The following ATP13A5 variants were observed in gnomAD, a reference collection of about 807,000 sequenced individuals.
ATP13A5 encodes ATPase 13A5.
In ATP13A5, 149 loss-of-function variants were observed where a neutral mutation model predicts 150.2. The observed-to-expected ratio is 0.99, with a 90% CI of 0.87 to 1.14. The LOEUF is 1.14. Ranked by LOEUF, ATP13A5 falls within the 50% of genes most tolerant of loss-of-function variation. The pLI is 0.00. For missense variants in ATP13A5, 1,383 were observed against 1,449.3 expected (o/e 0.95, Z 0.74); for synonymous variants, 497 against 522.2 (o/e 0.95, Z 0.66).
chr3:193,336,756 AT>A (rs1460610905), intron 9 of ATP13A5, among the ~76,000 whole-genome samples: 1 of 152,220 alleles, frequency 6.6e-6, no homozygotes, highest in Non-Finnish European at 1.5e-5. Context: ...ATACCCAGTA[AT>A]GGGATGGCTG....
chr3:193,353,702 C>T (rs1474860541), intron 6 of ATP13A5, among the ~76,000 whole-genome samples: 3 of 152,184 alleles, frequency 2.0e-5, no homozygotes. Context: ...ATAAAGAACA[C>T]AGTAGTCTGC....
chr3:193,374,556 GA>G (rs1343653799), intron 1 of ATP13A5, among the ~76,000 whole-genome samples: 1 of 151,008 alleles, frequency 6.6e-6, no homozygotes, highest in African/African-American at 2.4e-5. Context: ...GAGGCAGGAG[GA>G]TTGCTTGTGC....
At position 193,362,534 on chromosome 3, in the gene ATP13A5, C is replaced by T. The variant is rs761558311; in HGVS notation, c.455+33G>A. 1.9e-5 allele frequency: 30 copies of T among 1,613,614 alleles called. No individual in the cohort carries two copies. The East Asian group carries it at 6.7e-4, about 36-fold the overall frequency. On this transcript the variant is annotated intron_variant, in intron 4 of 29. Coordinates refer to ENST00000342358, the MANE Select transcript of ATP13A5 (RefSeq NM_198505.4). ...ACAAATCAGTGTTTTTCCCCTATAT[C>T]CTGACCAAGGGGTGACAAAACATTG...
chr3:193,321,157 G>A (rs1719260207), intron 16 of ATP13A5, among the ~76,000 whole-genome samples: 1 of 152,100 alleles, frequency 6.6e-6, no homozygotes, highest in South Asian at 2.1e-4. Flanking sequence ...CTTCCCAGAT[G>A]CCTCACTGTG....
chr3:193,276,620 C>A, intron 29 of ATP13A5, 130 bp downstream of exon 29: 2 of 648,024 alleles, frequency 3.1e-6, no homozygotes, highest in Non-Finnish European at 5.3e-6. Flanking sequence ...AGAATATGTA[C>A]CATTTTAATA....
chr3:193,321,981 G>T, intron 15 of ATP13A5, 144 bp from the exon 16 acceptor site: 1 of 970,878 alleles, frequency 1.0e-6, no homozygotes, highest in Non-Finnish European at 1.5e-6. Context: ...TTGTGTGTGT[G>T]TGTGTGGCTG....
intron 6 of ATP13A5, 150 bp from the exon 7 acceptor site, chr3:193,351,351 G>T: frequency 2.0e-6 from 2 of 1,012,140 alleles, no homozygotes; most frequent in Admixed American, 2.4e-5. Flanking sequence ...CTATTGATTT[G>T]GGTTGAGAAA....
intron 1 of ATP13A5, among the ~76,000 whole-genome samples, chr3:193,369,069 C>T (rs112217621): frequency 0.019 from 2,932 of 151,852 alleles, 105 homozygotes; most frequent in African/African-American, 0.066. Flanking sequence ...CATAGAAATA[C>T]GCTGTCTCTA....
At chr3:193,373,286 T>C (rs9838487) in intron 1 of ATP13A5, among the ~76,000 whole-genome samples, 105,017 of 151,916 alleles carry the variant, frequency 0.69, 36,689 homozygotes, top group Non-Finnish European at 0.73. Flanking sequence ...TACAGGCAGC[T>C]GCCACCATGC....
In ATP13A5 at chr3:193,326,996, C is replaced by A. The variant is rs1452668079; in HGVS notation, c.1523G>T (p.Cys508Phe). The A allele has an allele frequency of 6.2e-7, 1 of 1,613,626 alleles. No individual in the cohort carries two copies. Among genetic ancestry groups the A allele is most frequent in the South Asian group, 1.1e-5 (1 of 91,048 alleles). The change falls in exon 13 of 30, where the codon TGC becomes TTC. Residue 508 changes from cysteine (C) to phenylalanine (F), a missense_variant and splice_region_variant. Cys to Phe is a radical substitution (Grantham distance 205). Around this residue, in one of 3 missense-constraint regions of ATP13A5, gnomAD observed 787 missense variants for 771.9 expected, o/e 1.02. Coordinates refer to ENST00000342358, the MANE Select transcript of ATP13A5 (RefSeq NM_198505.4). The part of the protein sequence containing the change: ...LWGTVPTADN[C>F]FQEAHSFASG... ...TTCCATTTTCACATAAGAGGCCTAC[C>A]AGTTGTCAGCAGTAGGGACAGTCCC...
At chr3:193,354,087 A>G in intron 6 of ATP13A5, 40 bp downstream of exon 6, 1 of 1,524,394 alleles carries the variant, frequency 6.6e-7, no homozygotes, top group African/African-American at 1.6e-5. Context: ...AAGGGGCAGA[A>G]ATCTATTTTT....
chr3:193,357,944 A>G (rs191591220), intron 5 of ATP13A5, among the ~76,000 whole-genome samples: 2 of 148,922 alleles, frequency 1.3e-5, no homozygotes, highest in Admixed American at 1.3e-4. Context: ...GAGGAGGTCC[A>G]TGTCCCTTTT....
intron 25 of ATP13A5, among the ~76,000 whole-genome samples, chr3:193,297,237 C>A (rs1468107090): frequency 6.6e-6 from 1 of 151,942 alleles, no homozygotes; most frequent in Non-Finnish European, 1.5e-5. Context: ...AAGAAGAGAC[C>A]ATGGCCTTCT....
intron 25 of ATP13A5, among the ~76,000 whole-genome samples, chr3:193,294,847 C>A (rs796504981): frequency 6.6e-5 from 10 of 152,246 alleles, no homozygotes; most frequent in African/African-American, 2.4e-4. Context: ...GCTCACAACG[C>A]TTAAGTAGGC....
chr3:193,329,929 A>G (rs138730921), intron 12 of ATP13A5, among the ~76,000 whole-genome samples: 4 of 152,286 alleles, frequency 2.6e-5, no homozygotes, highest in African/African-American at 4.8e-5. Flanking sequence ...AAGAAATGTC[A>G]CCAGTCTTCT....
intron 16 of ATP13A5, among the ~76,000 whole-genome samples, chr3:193,320,455 C>T (rs1447923116): frequency 6.6e-6 from 1 of 152,136 alleles, no homozygotes; most frequent in Admixed American, 6.6e-5. Flanking sequence ...AAAACAAGTG[C>T]CAAGTGACAG....
At chr3:193,372,526 T>C (rs1355214317) in intron 1 of ATP13A5, among the ~76,000 whole-genome samples, 1 of 152,152 alleles carries the variant, frequency 6.6e-6, no homozygotes, top group African/African-American at 2.4e-5. Flanking sequence ...TAAGTATGAG[T>C]TTTAGAATTA....
chr3:193,325,159 C>G lies in ATP13A5; in HGVS notation c.1524-145G>C, dbSNP rs981518592. On this transcript the variant is annotated intron_variant, in intron 13 of 29. Transcript: ENST00000342358. ...TCCCTATGCTCCAAATGATAAAGTC[C>G]AAACCCCTTAGCCTGGTATTCAAAG... is the stretch of plus-strand genomic sequence containing the variant. The G allele has an allele frequency of 3.8e-6, 3 of 780,740 alleles. No individual in the cohort carries two copies. In the African/African-American group the frequency reaches 5.2e-5, roughly 14 times the overall value. 48.4% of individuals were successfully genotyped at this position (780,740 alleles called of 1,614,324 possible).
intron 12 of ATP13A5, among the ~76,000 whole-genome samples, chr3:193,330,867 C>A (rs749958020): frequency 6.6e-6 from 1 of 152,198 alleles, no homozygotes; most frequent in Non-Finnish European, 1.5e-5. Context: ...TTTAAAAAAA[C>A]CACAAACCAG....
Sources: gnomAD v4.1 joint callset for allele counts (sites outside exome capture counted in the v4.1 genomes callset) on GRCh38, gnomAD v4.1.1 for gene constraint, gnomAD v4.1.1 regional missense constraint, MANE v1.5 for transcripts, NCBI Gene and HGNC (gene_info 2026-07-23, HGNC 2026-07-21) for gene names.